JAKMIP3: variants seen among roughly 807,000 people sequenced by gnomAD.
The protein encoded by JAKMIP3 is Janus kinase and microtubule interacting protein 3, also known as janus kinase and microtubule-interacting protein 3.
A neutral mutation model predicts 118.5 loss-of-function variants in JAKMIP3; 58 were observed. The observed-to-expected ratio is 0.49, with a 90% CI of 0.40 to 0.61. The LOEUF is 0.61. Among genes scored for constraint, JAKMIP3 ranks in the 20% least tolerant of loss-of-function variants. The pLI is 0.00. For synonymous variants in JAKMIP3, 486 were observed against 451.2 expected, an observed-to-expected ratio of 1.08 and a Z score of -0.98; for missense variants, 950 against 1,109.0, an observed-to-expected ratio of 0.86 and a Z score of 2.04.
Position 132,069,742 on chromosome 10 carries a change from G to C in JAKMIP3, c.-138+3681G>C, listed in dbSNP as rs542618028. On this transcript the variant is annotated intron_variant, in intron 1 of 23. Coordinates refer to ENST00000684848, the MANE Select transcript of JAKMIP3 (RefSeq NM_001323087.2). ...AAGAAGAGGAAACCATGGACAGAAG[G>C]ACCTTCCAGTGACATTTAGCAAAAA... Among the ~76,000 whole-genome samples the C allele has an allele frequency of 1.3e-3, 197 of 152,364 alleles. 4 individuals carry two copies. Among genetic ancestry groups the C allele is most frequent in the Non-Finnish European group, 1.0e-4 (7 of 68,032 alleles).
intron 10 of JAKMIP3, 44 bp downstream of exon 10, chr10:132,140,623 C>G: frequency 9.1e-7 from 1 of 1,100,198 alleles, no homozygotes; most frequent in Admixed American, 3.3e-5. Flanking sequence ...GAGGAGGTAA[C>G]GAGGGTCTCC....
At chr10:132,101,045 C>G (rs2044817636) in intron 1 of JAKMIP3, among the ~76,000 whole-genome samples, 1 of 152,174 alleles carries the variant, frequency 6.6e-6, no homozygotes, top group Admixed American at 6.5e-5. Flanking sequence ...AACTCTGCCT[C>G]TAGGGAGATG....
At chr10:132,042,232 C>A (rs898559043) in intron 1 of JAKMIP3, among the ~76,000 whole-genome samples, 1 of 73,378 alleles carries the variant, frequency 1.4e-5, no homozygotes, top group African/African-American at 5.2e-5. Context: ...CCTCCTCCTC[C>A]TTTCACAGGG....
chr10:132,146,637 G>A (rs575952485), intron 13 of JAKMIP3, among the ~76,000 whole-genome samples: 64 of 152,332 alleles, frequency 4.2e-4, no homozygotes, highest in African/African-American at 1.5e-3. Context: ...AGGGTAGCCT[G>A]GCTGATGAGT....
chr10:132,038,810 A>AAC (rs761966461), intron 1 of JAKMIP3, among the ~76,000 whole-genome samples: 13 of 139,022 alleles, frequency 9.4e-5, no homozygotes, highest in South Asian at 4.6e-4. Flanking sequence ...AAAAAAAAAA[A>AAC]CCATCATAAA....
Position 132,049,899 on chromosome 10 carries a change from G to C in JAKMIP3, c.-138+13161G>C, listed in dbSNP as rs2038050260. Among the ~76,000 whole-genome samples, 1 of 152,172 alleles carries C rather than the reference G, an allele frequency of 6.6e-6. No individual in the cohort carries two copies. Among genetic ancestry groups the C allele is most frequent in the Non-Finnish European group, 1.5e-5 (1 of 68,036 alleles). ...TTTTTGATATTGGGATATTTTACAAGGTTCCCAGCTTAATGAATCCCTTTT... is the reference window on the plus strand; with the variant it reads ...TTTTTGATATTGGGATATTTTACAACGTTCCCAGCTTAATGAATCCCTTTT... On this transcript the variant is annotated intron_variant, in intron 1 of 23. Coordinates refer to the JAKMIP3 transcript ENST00000657785. This position sits in a 1 kb window ranked among gnomAD's most constrained non-coding sequence, Gnocchi z 4.3.
upstream of JAKMIP3, among the ~76,000 whole-genome samples, chr10:132,061,196 ACACACACACCTGCCGTGACGGCG>A (rs1564855285): frequency 1.6e-5 from 2 of 122,672 alleles, no homozygotes; most frequent in Non-Finnish European, 1.9e-5. Context: ...GTGACGGCGC[ACACACACACCTGCCGTGACGGCG>A]CACACATACA....
intron 3 of JAKMIP3, among the ~76,000 whole-genome samples, chr10:132,130,958 A>T (rs1304107185): frequency 1.3e-5 from 2 of 151,250 alleles, no homozygotes; most frequent in Non-Finnish European, 2.9e-5. Flanking sequence ...TCGGGGCCCC[A>T]TGCAGAGAGA....
chr10:132,043,645 G>C (rs1207270141), intron 1 of JAKMIP3, among the ~76,000 whole-genome samples: 1 of 152,178 alleles, frequency 6.6e-6, no homozygotes, highest in Non-Finnish European at 1.5e-5. Flanking sequence ...CCAATGTGGG[G>C]GTCCAGGAGC....
chr10:132,040,866 C>T (rs1045206082), intron 1 of JAKMIP3, among the ~76,000 whole-genome samples: 19 of 152,224 alleles, frequency 1.2e-4, no homozygotes, highest in African/African-American at 4.1e-4. Flanking sequence ...CCCTGGAAGC[C>T]TCCCTTCCAG....
chr10:132,043,794 G>A (rs11146130), intron 1 of JAKMIP3, among the ~76,000 whole-genome samples: 2,141 of 152,282 alleles, frequency 0.014, 52 homozygotes, highest in African/African-American at 0.048. Context: ...TCTCTGCCCC[G>A]CCCTGGGCTT....
At chr10:132,116,056 CCCTT>C (rs2047596063) in intron 2 of JAKMIP3, among the ~76,000 whole-genome samples, 1 of 152,246 alleles carries the variant, frequency 6.6e-6, no homozygotes, top group South Asian at 2.1e-4. Flanking sequence ...AGCGTGTCCT[CCCTT>C]AACCCCAGAC....
rs780195434 is a variant in JAKMIP3, at chr10:132,135,089, G to A, written c.898G>A (p.Ala300Thr). 3.7e-6 allele frequency: 6 copies of A among 1,613,564 alleles called. No homozygotes were observed. In the Admixed American group the frequency reaches 6.7e-5, roughly 18 times the overall value. Residue 300 changes from alanine (A) to threonine (T), a missense_variant, in exon 5 of 24, where the codon GCG (alanine) becomes ACG (threonine). Ala to Thr is a moderately conservative substitution (Grantham distance 58). Transcript: ENST00000684848. ...TGCCCGGCGCTTCCAGCTTAAAATC[G>A]CGGAGTTAAGTGCGATTATCCGCAA... ...KDARRFQLKI[A>T]ELSAIIRKLE...
At chr10:132,043,909 T>G (rs2037832714) in intron 1 of JAKMIP3, among the ~76,000 whole-genome samples, 1 of 152,250 alleles carries the variant, frequency 6.6e-6, no homozygotes, top group South Asian at 2.1e-4. Flanking sequence ...TGAATCAAGT[T>G]GAGTTTTTTG....
intron 1 of JAKMIP3, among the ~76,000 whole-genome samples, chr10:132,058,394 G>T (rs926083648): frequency 6.6e-6 from 1 of 152,218 alleles, no homozygotes; most frequent in African/African-American, 2.4e-5. Flanking sequence ...GGGGCGCAGG[G>T]TGACGGCCTC....
In JAKMIP3 at chr10:132,180,546, C is replaced by CGTGTGTGTGTGTGTGT. The variant is rs1272765694; in HGVS notation, c.*1104-1808_*1104-1807insTGTGTGTGTGTGTGTG. 7.5e-4 allele frequency among the ~76,000 whole-genome samples: 12 copies of CGTGTGTGTGTGTGTGT among 15,962 alleles called. 4 individuals carry two copies. Among genetic ancestry groups the CGTGTGTGTGTGTGTGT allele is most frequent in the African/African-American group, 3.4e-3 (9 of 2,634 alleles). The allele number at this position is 15,962 out of a possible 152,430, so 10.5% of individuals were successfully genotyped here. A position where few individuals can be genotyped will look rare whatever the true frequency, so the allele number is the denominator to read the frequency against. On this transcript the variant is annotated intron_variant, in intron 23 of 23. Transcript: ENST00000684848. ...AACTGTGTGTGTGTGTGTGTGTGTG[C>CGTGTGTGTGTGTGTGT]GTGCGTGCATGCGTGTGTGTGCGTG... is the stretch of plus-strand genomic sequence containing the variant.
chr10:132,133,048 C>G (rs2050942662), intron 3 of JAKMIP3, among the ~76,000 whole-genome samples: 1 of 152,206 alleles, frequency 6.6e-6, no homozygotes, highest in Non-Finnish European at 1.5e-5. Flanking sequence ...AATGGGGTGC[C>G]TTGCTGAGCA....
chr10:132,117,112 G>A lies in JAKMIP3; in HGVS notation c.171G>A (p.Leu57=), dbSNP rs1417593373. Residue 57 remains leucine (L), a synonymous_variant, in exon 3 of 24, where the codon CTG becomes CTA. Coordinates refer to ENST00000684848, the MANE Select transcript of JAKMIP3 (RefSeq NM_001323087.2). The surrounding 1 kb of genome is among the most constrained non-coding windows in gnomAD (Gnocchi z 8.6). The part of the protein sequence containing the change: ...SKVEREKNQE[L]RQVREHEQHK... ...TGGAACGCGAGAAGAACCAGGAGCTGCGGCAGGTGCGCGAGCATGAGCAGC... is the reference window on the plus strand; with the variant it reads ...TGGAACGCGAGAAGAACCAGGAGCTACGGCAGGTGCGCGAGCATGAGCAGC... 2 of 1,611,868 alleles carry A rather than the reference G, an allele frequency of 1.2e-6. No individual in the cohort carries two copies. The highest frequency in any genetic ancestry group is 1.7e-6 in the Non-Finnish European group (2 of 1,178,374).
intron 1 of JAKMIP3, 117 bp from the exon 2 acceptor site, chr10:132,104,555 C>A (rs1387064346): frequency 1.9e-6 from 1 of 519,788 alleles, no homozygotes; most frequent in Non-Finnish European, 3.5e-6. Flanking sequence ...CAGGTAGCAT[C>A]CTCAGCACTG....
Sources: allele counts gnomAD v4.1 joint callset (sites outside exome capture counted in the v4.1 genomes callset), GRCh38; gene constraint gnomAD v4.1.1; non-coding constraint Gnocchi (gnomAD v3.1); transcripts MANE v1.5; gene names NCBI Gene and HGNC (gene_info 2026-07-23, HGNC 2026-07-21).